Variants in PALMD observed in about 807,000 individuals in gnomAD.
The protein encoded by PALMD is paralemmin-like protein.
Under a neutral mutation model 56.2 loss-of-function variants are expected in PALMD, and 42 were observed. The ratio of observed to expected loss-of-function variants is 0.75; its 90% CI spans 0.58 to 0.97. The LOEUF is 0.97. PALMD is among the 50% of genes least tolerant of loss of function. The pLI, the probability that PALMD is intolerant of heterozygous loss-of-function variation, is 0.00. For synonymous variants in PALMD, 242 were observed against 222.9 expected, an observed-to-expected ratio of 1.09 and a Z score of -0.76; for missense variants, 660 against 643.8, an observed-to-expected ratio of 1.03 and a Z score of -0.27.
intron 3 of PALMD, chr1:99,683,802 C>A (rs2100872971): frequency 6.6e-6 from 1 of 152,516 alleles, no homozygotes; most frequent in South Asian, 2.1e-4. Flanking sequence ...ATCTGGTCAT[C>A]TGCCTCCTCT....
intron 3 of PALMD, among the ~76,000 whole-genome samples, chr1:99,678,237 G>A (rs193158988): frequency 0.031 from 4,630 of 151,638 alleles, 188 homozygotes; most frequent in African/African-American, 0.099. Flanking sequence ...CCGAGTACTG[G>A]GATTATATAG....
chr1:99,653,967 T>G (rs1652654173), intron 1 of PALMD, among the ~76,000 whole-genome samples: 1 of 152,164 alleles, frequency 6.6e-6, no homozygotes, highest in African/African-American at 2.4e-5. Flanking sequence ...ATCAGAACTC[T>G]GATGAGTATA....
At position 99,694,059 on chromosome 1, in the gene PALMD, C is replaced by G; in HGVS notation, c.1653C>G (p.Ile551Met). ...TGGCAAAGCTGGGAAAAAAGGTGAT[C>G]TAAGAGTTGTACCACCTATATAAAC... Reference protein sequence around the residue: ...MRMAKLGKKVI With the variant: ...MRMAKLGKKVM The change falls in exon 8 of 8, where the codon ATC (isoleucine) becomes ATG (methionine). Residue 551 changes from isoleucine to methionine, a missense_variant. Transcript: ENST00000263174. 1 of 1,592,754 alleles carries G rather than the reference C, an allele frequency of 6.3e-7. No individual in the cohort carries two copies. The highest frequency in any genetic ancestry group is 8.6e-7 in the Non-Finnish European group (1 of 1,162,628).
chr1:99,651,257 C>A (rs1340253533), intron 1 of PALMD, among the ~76,000 whole-genome samples: 1 of 152,198 alleles, frequency 6.6e-6, no homozygotes. Flanking sequence ...AACATAACAG[C>A]CCACCCATAA....
intron 7 of PALMD, among the ~76,000 whole-genome samples, chr1:99,691,194 A>G (rs925910142): frequency 2.6e-5 from 4 of 152,160 alleles, no homozygotes; most frequent in Non-Finnish European, 5.9e-5. Context: ...ACTCATTTTA[A>G]AAACAAAAAA....
chr1:99,672,262 T>G (rs963752485), intron 3 of PALMD, among the ~76,000 whole-genome samples: 1 of 152,182 alleles, frequency 6.6e-6, no homozygotes, highest in African/African-American at 2.4e-5. Context: ...TATTTTGCCT[T>G]GTGCCCTGAT....
At chr1:99,648,490 A>G (rs1374776441) in intron 1 of PALMD, among the ~76,000 whole-genome samples, 2 of 152,162 alleles carry the variant, frequency 1.3e-5, no homozygotes, top group East Asian at 3.9e-4. Flanking sequence ...GGAAATGCTT[A>G]AGCCTCAGAA....
chr1:99,649,132 C>A (rs1652511010), intron 1 of PALMD, among the ~76,000 whole-genome samples: 1 of 152,136 alleles, frequency 6.6e-6, no homozygotes, highest in Non-Finnish European at 1.5e-5. Flanking sequence ...AATATAGATT[C>A]TATTTTACAC....
At chr1:99,660,053 T>A (rs1652812443) in intron 1 of PALMD, among the ~76,000 whole-genome samples, 1 of 152,166 alleles carries the variant, frequency 6.6e-6, no homozygotes, top group Non-Finnish European at 1.5e-5. Flanking sequence ...GGTTCAGCAA[T>A]CCTGTCCACC....
rs1653528840 is a variant in PALMD at position 99,687,431 on chromosome 1, G to C, written c.514+242G>C. On this transcript the variant is annotated intron_variant, in intron 6 of 7. Transcript: ENST00000263174. ...GGATAAGGAAGATAGAGACCCAAAG[G>C]AGACAAGAAGCTCTTAAAAGCATAG... 2.0e-5 allele frequency among the ~76,000 whole-genome samples: 3 copies of C among 152,218 alleles called. No homozygotes were observed. The South Asian group carries it at 6.2e-4, about 32-fold the overall frequency.
intron 1 of PALMD, among the ~76,000 whole-genome samples, chr1:99,650,794 C>A (rs901270136): frequency 5.9e-5 from 9 of 152,136 alleles, no homozygotes; most frequent in African/African-American, 1.9e-4. Context: ...AGAAGTCAGC[C>A]CTGCTTCTGT....
At chr1:99,663,112 T>A (rs1212023938) in intron 2 of PALMD, among the ~76,000 whole-genome samples, 1 of 152,154 alleles carries the variant, frequency 6.6e-6, no homozygotes, top group African/African-American at 2.4e-5. Flanking sequence ...ATAGATTTAA[T>A]GAATCCCCTT....
rs752227329 is a variant in PALMD, at chr1:99,687,000, G to GT, written c.400+44dup. 3.9e-6 allele frequency: 6 copies of GT among 1,529,598 alleles called. No homozygotes were observed. The South Asian group carries it at 4.7e-5, about 12-fold the overall frequency. The allele number at this position is 1,529,598 out of a possible 1,614,324, so 94.8% of individuals were successfully genotyped here. ...AATAACTTATTTTATGTTAAACTAA[G>GT]TTTTTTTGGTAATTTGAAATTGTTC... On this transcript the variant is annotated intron_variant, in intron 5 of 7. Coordinates refer to ENST00000263174, the MANE Select transcript of PALMD (RefSeq NM_017734.5).
chr1:99,691,888 T>C (rs148113439), intron 7 of PALMD, among the ~76,000 whole-genome samples: 1 of 152,280 alleles, frequency 6.6e-6, no homozygotes, highest in East Asian at 1.9e-4. Flanking sequence ...CAATACCTTA[T>C]CTAAGAGCAA....
intron 7 of PALMD, chr1:99,690,135 A>G (rs1008602548): frequency 6.4e-6 from 3 of 468,194 alleles, no homozygotes; most frequent in East Asian, 3.2e-5. Flanking sequence ...ATCTTCTATC[A>G]TGGTATGGTG....
At chr1:99,690,708 C>A (rs1313932923) in intron 7 of PALMD, among the ~76,000 whole-genome samples, 1 of 152,056 alleles carries the variant, frequency 6.6e-6, no homozygotes, top group Non-Finnish European at 1.5e-5. Context: ...AATAGCTGTA[C>A]TTACCTTGGC....
intron 1 of PALMD, among the ~76,000 whole-genome samples, chr1:99,650,130 A>G (rs973672221): frequency 2.6e-5 from 4 of 152,016 alleles, no homozygotes; most frequent in Non-Finnish European, 5.9e-5. Flanking sequence ...CTAGATGTGA[A>G]GGAGGTGAGT....
chr1:99,668,975 G>A (rs1291615885), intron 3 of PALMD: 2 of 152,128 alleles, frequency 1.3e-5, no homozygotes, highest in Non-Finnish European at 2.9e-5. Flanking sequence ...GAATATAGAC[G>A]ACTTTCAAAA....
At chr1:99,672,399 C>A (rs141597898) in intron 3 of PALMD, among the ~76,000 whole-genome samples, 19 of 152,288 alleles carry the variant, frequency 1.2e-4, no homozygotes, top group Admixed American at 1.2e-3. Flanking sequence ...ACCACTGAAC[C>A]ATTTACTGCC....
Sources: gnomAD v4.1 joint callset for allele counts (sites outside exome capture counted in the v4.1 genomes callset) on GRCh38, gnomAD v4.1.1 for gene constraint, MANE v1.5 for transcripts, NCBI Gene and HGNC (gene_info 2026-07-23, HGNC 2026-07-21) for gene names.